The following ALK variants were observed in gnomAD, a reference collection of about 807,000 sequenced individuals.
ALK encodes the protein ALK tyrosine kinase receptor.
Under a neutral mutation model 163.1 loss-of-function variants are expected in ALK, and 74 were observed. That is an observed-to-expected ratio of 0.45 (90% CI 0.38 to 0.55). The LOEUF (loss-of-function observed/expected upper bound fraction) is 0.55. Ranked by LOEUF, ALK falls within the 20% of genes least tolerant of loss-of-function variation. ALK has a pLI of 0.00. For synonymous variants in ALK, 960 were observed against 843.2 expected (o/e 1.14, Z -2.40); for missense variants, 2,063 against 2,105.3 (o/e 0.98, Z 0.39).
chr2:29,746,435 G>A (rs1026114602), intron 1 of ALK, among the ~76,000 whole-genome samples: 1 of 152,206 alleles, frequency 6.6e-6, no homozygotes, highest in Non-Finnish European at 1.5e-5. Flanking sequence ...GCATTTGTGA[G>A]CCTCTTGAAT....
chr2:29,457,787 T>C (rs1670993612), intron 4 of ALK, among the ~76,000 whole-genome samples: 1 of 152,174 alleles, frequency 6.6e-6, no homozygotes, highest in African/African-American at 2.4e-5. Context: ...CTTCCCACAA[T>C]AATCCTTTGA....
intron 1 of ALK, among the ~76,000 whole-genome samples, chr2:29,896,063 T>C (rs1440205195): frequency 6.6e-6 from 1 of 151,968 alleles, no homozygotes; most frequent in Non-Finnish European, 1.5e-5. Flanking sequence ...GTAGGTATGG[T>C]AGTGTGGGTG....
chr2:29,296,869 G>A lies in ALK; in HGVS notation c.1817+19C>T, dbSNP rs1666197923. 6 of 1,613,920 alleles carry A rather than the reference G, an allele frequency of 3.7e-6. No individual in the cohort carries two copies. The highest frequency in any genetic ancestry group is 4.2e-6 in the Non-Finnish European group (5 of 1,179,954). ...GCTGATAGAGGAGAAGGGTATTGGG[G>A]GAGATGCATAGAGCCTACCTGTCAG... On this transcript the variant is annotated intron_variant, in intron 9 of 28. Coordinates refer to ENST00000389048, the MANE Select transcript of ALK (RefSeq NM_004304.5).
intron 25 of ALK, among the ~76,000 whole-genome samples, 161 bp from the exon 26 acceptor site, chr2:29,207,433 A>G (rs1669341793): frequency 6.6e-6 from 1 of 152,240 alleles, no homozygotes; most frequent in Non-Finnish European, 1.5e-5. Context: ...AGGGGCACAC[A>G]GATCATTTAG....
rs1350408944 is a variant in ALK, at chr2:29,671,838, C to G, written c.952+23012G>C. On this transcript the variant is annotated intron_variant, in intron 3 of 28. Coordinates refer to ENST00000389048, the MANE Select transcript of ALK (RefSeq NM_004304.5). The stretch of plus-strand genomic sequence containing the variant: ...TAAAACCAGCTTGCTTCTACACCAC[C>G]ATTTTAAAACTGGAAGTCTCCTTTT... Among the ~76,000 whole-genome samples the G allele has an allele frequency of 5.3e-5, 8 of 151,876 alleles. No individual in the cohort carries two copies. The East Asian group carries it at 1.4e-3, about 26-fold the overall frequency.
At chr2:29,755,017 G>A (rs376340557) in intron 1 of ALK, among the ~76,000 whole-genome samples, 35 of 152,268 alleles carry the variant, frequency 2.3e-4, no homozygotes, top group African/African-American at 8.2e-4. Context: ...GAAGCACCGT[G>A]ATTCTGAGCT....
intron 1 of ALK, among the ~76,000 whole-genome samples, chr2:29,907,741 C>T (rs1423214737): frequency 6.6e-6 from 1 of 152,120 alleles, no homozygotes. Context: ...AAATAGCTCC[C>T]ACATCGATAT....
intron 4 of ALK, among the ~76,000 whole-genome samples, chr2:29,469,409 T>C (rs1671293482): frequency 6.6e-6 from 1 of 152,180 alleles, no homozygotes; most frequent in South Asian, 2.1e-4. Context: ...CTTCAGATAC[T>C]AGTTTTGATA....
At chr2:29,819,263 G>C (rs1664979492) in intron 1 of ALK, among the ~76,000 whole-genome samples, 1 of 152,044 alleles carries the variant, frequency 6.6e-6, no homozygotes, top group Non-Finnish European at 1.5e-5. Context: ...TTTCATCCAG[G>C]GCTATGTGTA....
intron 3 of ALK, among the ~76,000 whole-genome samples, chr2:29,550,166 A>G (rs1310056248): frequency 6.6e-6 from 1 of 152,204 alleles, no homozygotes; most frequent in East Asian, 1.9e-4. Flanking sequence ...GTCCCGAGCA[A>G]TATGTTAACA....
intron 3 of ALK, among the ~76,000 whole-genome samples, chr2:29,600,975 T>A (rs906848731): frequency 6.6e-6 from 1 of 152,210 alleles, no homozygotes; most frequent in Non-Finnish European, 1.5e-5. Context: ...GACTGCTGGG[T>A]CACCAACTAC....
At chr2:29,532,351 A>G (rs943858649) in intron 3 of ALK, among the ~76,000 whole-genome samples, 2 of 152,200 alleles carry the variant, frequency 1.3e-5, no homozygotes, top group Non-Finnish European at 2.9e-5. Flanking sequence ...AGGCAGACCA[A>G]GGTTCGAACC....
rs558690990 is a variant in ALK at position 29,403,524 on chromosome 2, CT to C, written c.1155-19666del. 6.6e-5 allele frequency among the ~76,000 whole-genome samples: 10 copies of C among 152,068 alleles called. No homozygotes were observed. The South Asian group carries it at 2.1e-3, about 32-fold the overall frequency. On this transcript the variant is annotated intron_variant, in intron 4 of 28. Transcript: ENST00000389048. ...TCCTCCAAAGGTTCCAAAATCACTT[CT>C]TCAACAACTGTTTAGAATGTTACTG...
chr2:29,239,550 A>T, intron 13 of ALK, 130 bp downstream of exon 13: 4 of 1,188,728 alleles, frequency 3.4e-6, no homozygotes, highest in Non-Finnish European at 4.9e-6. Flanking sequence ...GCTGCTGTTT[A>T]ATTACTCTTT....
At chr2:29,824,306 A>G (rs1665133665) in intron 1 of ALK, among the ~76,000 whole-genome samples, 1 of 152,234 alleles carries the variant, frequency 6.6e-6, no homozygotes, top group South Asian at 2.1e-4. Flanking sequence ...AGCAGAAGAG[A>G]AATGTGGGGT....
intron 1 of ALK, among the ~76,000 whole-genome samples, chr2:29,753,994 C>T (rs1381957831): frequency 2.6e-5 from 4 of 152,172 alleles, no homozygotes; most frequent in Admixed American, 6.5e-5. Flanking sequence ...TTTGCTCCCT[C>T]TCCCACCGAC....
intron 1 of ALK, among the ~76,000 whole-genome samples, chr2:29,719,157 G>A (rs981594454): frequency 6.6e-6 from 1 of 152,244 alleles, no homozygotes; most frequent in African/African-American, 2.4e-5. Context: ...ACTGGGACAG[G>A]ATGGGCATTC....
chr2:29,868,812 A>G (rs189372263), intron 1 of ALK, among the ~76,000 whole-genome samples: 13 of 151,982 alleles, frequency 8.6e-5, no homozygotes, highest in Non-Finnish European at 1.8e-4. Flanking sequence ...AAATCTGGAC[A>G]GACTTGTGAC....
chr2:29,901,032 A>AGCAG (rs1024717020), intron 1 of ALK, among the ~76,000 whole-genome samples: 2 of 151,224 alleles, frequency 1.3e-5, no homozygotes, highest in Non-Finnish European at 2.9e-5. Context: ...CAAGCAAGCA[A>AGCAG]GCTTTTCCTC....
Sources: allele counts gnomAD v4.1 joint callset (sites outside exome capture counted in the v4.1 genomes callset), GRCh38; gene constraint gnomAD v4.1.1; transcripts MANE v1.5; gene names NCBI Gene and HGNC (gene_info 2026-07-23, HGNC 2026-07-21).